Variants in DIP2B observed in about 807,000 individuals in gnomAD.
DIP2B encodes disco-interacting protein 2 homolog B.
In DIP2B, 76 loss-of-function variants were observed where a neutral mutation model predicts 198.0. That is an observed-to-expected ratio of 0.38 (90% CI 0.32 to 0.46). The LOEUF is 0.46. DIP2B is among the 20% of genes least tolerant of loss of function. DIP2B has a pLI of 0.99. For synonymous variants in DIP2B, 701 were observed against 739.1 expected, an observed-to-expected ratio of 0.95 and a Z score of 0.84; for missense variants, 1,559 against 1,978.4, an observed-to-expected ratio of 0.79 and a Z score of 4.02.
intron 22 of DIP2B, among the ~76,000 whole-genome samples, chr12:50,713,411 G>C (rs989716929): frequency 7.2e-5 from 11 of 152,150 alleles, no homozygotes; most frequent in African/African-American, 2.7e-4. Flanking sequence ...CTGTGTTTTT[G>C]CATTTGTATT....
intron 1 of DIP2B, among the ~76,000 whole-genome samples, chr12:50,582,844 T>C (rs780510723): frequency 1.3e-5 from 2 of 152,182 alleles, no homozygotes; most frequent in Non-Finnish European, 2.9e-5. Flanking sequence ...GTATGCACAT[T>C]TTTTTCTTTA....
chr12:50,732,236 C>T, intron 31 of DIP2B, 130 bp from the exon 32 acceptor site: 1 of 964,240 alleles, frequency 1.0e-6, no homozygotes, highest in Non-Finnish European at 1.5e-6. Flanking sequence ...CTGCTTTTTT[C>T]TCTGTGTGCC....
intron 27 of DIP2B, 104 bp downstream of exon 27, chr12:50,723,427 A>G: frequency 2.0e-6 from 3 of 1,517,904 alleles, no homozygotes; most frequent in African/African-American, 2.8e-5. Flanking sequence ...CAGGAATTCA[A>G]ATTTGTCTTC....
chr12:50,515,168 A>C, intron 1 of DIP2B, among the ~76,000 whole-genome samples: 1 of 150,190 alleles, frequency 6.7e-6, no homozygotes, highest in Non-Finnish European at 1.5e-5. Flanking sequence ...GCTACCACTG[A>C]CTCCTAATTT....
intron 3 of DIP2B, among the ~76,000 whole-genome samples, chr12:50,647,281 C>G (rs921631227): frequency 2.6e-5 from 4 of 152,014 alleles, no homozygotes; most frequent in South Asian, 2.1e-4. Flanking sequence ...TTCTCCCCCC[C>G]GCCCAAAACA....
At chr12:50,579,699 A>C (rs1342396075) in intron 1 of DIP2B, among the ~76,000 whole-genome samples, 1 of 84,722 alleles carries the variant, frequency 1.2e-5, no homozygotes, top group Non-Finnish European at 2.2e-5. Context: ...ATATATATAT[A>C]TATATATATA....
intron 1 of DIP2B, among the ~76,000 whole-genome samples, chr12:50,542,509 G>A (rs951382891): frequency 6.6e-6 from 1 of 152,140 alleles, no homozygotes; most frequent in African/African-American, 2.4e-5. Context: ...TTATGTTCAT[G>A]CCCATGTCTG....
intron 1 of DIP2B, among the ~76,000 whole-genome samples, chr12:50,607,043 G>T (rs1369980351): frequency 6.6e-6 from 1 of 151,902 alleles, no homozygotes; most frequent in Non-Finnish European, 1.5e-5. Context: ...CTGGACTCAA[G>T]CAATCTGCCT....
At chr12:50,633,606 A>G (rs1938103816) in intron 2 of DIP2B, among the ~76,000 whole-genome samples, 1 of 152,142 alleles carries the variant, frequency 6.6e-6, no homozygotes, top group Non-Finnish European at 1.5e-5. Context: ...CTCTACAAAA[A>G]AATCAAAAAA....
chr12:50,609,777 ATC>A (rs1959016072), intron 1 of DIP2B, among the ~76,000 whole-genome samples: 1 of 152,156 alleles, frequency 6.6e-6, no homozygotes, highest in African/African-American at 2.4e-5. Context: ...TGGACCACTT[ATC>A]TCTCTTCAAA....
intron 1 of DIP2B, among the ~76,000 whole-genome samples, chr12:50,581,727 C>G (rs1443802122): frequency 6.6e-6 from 1 of 151,970 alleles, no homozygotes; most frequent in Non-Finnish European, 1.5e-5. Context: ...GGGATATCCA[C>G]TCAACTCCTG....
At chr12:50,716,402 T>TGAGGCAGGAGAATGGCGTGAACCCGG (rs532626979) in intron 23 of DIP2B, among the ~76,000 whole-genome samples, 4 of 152,158 alleles carry the variant, frequency 2.6e-5, no homozygotes, top group Non-Finnish European at 2.9e-5. Flanking sequence ...GTCGGGAGGC[T>TGAGGCAGGAGAATGGCGTGAACCCGG]GAGGCAGGAG....
In DIP2B at chr12:50,566,971, CAAAAAAAAAAAA is replaced by C. The variant is rs34854416; in HGVS notation, c.101-58995_101-58984del. 6.4e-5 allele frequency among the ~76,000 whole-genome samples: 5 copies of C among 78,472 alleles called. No individual in the cohort carries two copies. The South Asian group carries it at 1.7e-3, about 26-fold the overall frequency. The allele number at this position is 78,472 out of a possible 152,430, so 51.5% of individuals were successfully genotyped here. Reference sequence around the variant, plus strand: ...TGGGTGACAGAGCGAGACTCCGTCTCAAAAAAAAAAAAAAAAAAAAAGAAAGAAAGAAATTGA... The same window carrying C: ...TGGGTGACAGAGCGAGACTCCGTCTCAAAAAAAAAGAAAGAAAGAAATTGA... On this transcript the variant is annotated intron_variant, in intron 1 of 37. Transcript: ENST00000301180.
intron 1 of DIP2B, among the ~76,000 whole-genome samples, chr12:50,612,363 TA>T (rs1264856353): frequency 3.9e-5 from 6 of 152,198 alleles, no homozygotes; most frequent in Admixed American, 2.0e-4. Context: ...GGAATCGTGT[TA>T]TTTCTTCTTG....
At chr12:50,582,913 T>C (rs996770417) in intron 1 of DIP2B, among the ~76,000 whole-genome samples, 1 of 152,198 alleles carries the variant, frequency 6.6e-6, no homozygotes, top group Admixed American at 6.5e-5. Flanking sequence ...TAATCAAATT[T>C]TGGGGGTGTG....
At chr12:50,727,112 T>C (rs1939951552) in intron 28 of DIP2B, among the ~76,000 whole-genome samples, 1 of 152,162 alleles carries the variant, frequency 6.6e-6, no homozygotes, top group Non-Finnish European at 1.5e-5. Context: ...AGCAAGACTC[T>C]GTCTCAAAAA....
intron 36 of DIP2B, among the ~76,000 whole-genome samples, chr12:50,740,987 C>T (rs977653397): frequency 6.6e-6 from 1 of 152,196 alleles, no homozygotes; most frequent in Non-Finnish European, 1.5e-5. Flanking sequence ...ACCTCATGCA[C>T]ACTCCTGTCG....
At chr12:50,677,487 C>CAT (rs1938967234) in intron 7 of DIP2B, among the ~76,000 whole-genome samples, 1 of 151,878 alleles carries the variant, frequency 6.6e-6, no homozygotes, top group South Asian at 2.1e-4. Context: ...TGGTGGCGGG[C>CAT]GCCTATAATC....
intron 4 of DIP2B, among the ~76,000 whole-genome samples, chr12:50,662,423 A>G (rs1254902485): frequency 6.6e-6 from 1 of 152,240 alleles, no homozygotes; most frequent in Non-Finnish European, 1.5e-5. Context: ...AATTACACAC[A>G]TGCCTAAGAC....
Sources: allele counts gnomAD v4.1 joint callset (sites outside exome capture counted in the v4.1 genomes callset), GRCh38; gene constraint gnomAD v4.1.1; transcripts MANE v1.5; gene names NCBI Gene and HGNC (gene_info 2026-07-23, HGNC 2026-07-21).